AKNA: variants seen among roughly 807,000 people sequenced by gnomAD.
The protein encoded by AKNA is AT-hook transcription factor.
Under a neutral mutation model 138.8 loss-of-function variants are expected in AKNA, and 67 were observed. The ratio of observed to expected loss-of-function variants is 0.48; its 90% CI spans 0.40 to 0.59. AKNA has a LOEUF of 0.59. Among genes scored for constraint, AKNA ranks in the 20% least tolerant of loss-of-function variants. The probability of loss-of-function intolerance (pLI) is 0.00; values close to 1 mark genes in which losing one functional copy is unlikely to be tolerated. For synonymous variants in AKNA, 737 were observed against 754.4 expected, an observed-to-expected ratio of 0.98 and a Z score of 0.38; for missense variants, 1,813 against 1,880.4, an observed-to-expected ratio of 0.96 and a Z score of 0.66.
chr9:114,340,372 A>G (rs987867837), intron 21 of AKNA, among the ~76,000 whole-genome samples: 1 of 152,200 alleles, frequency 6.6e-6, no homozygotes, highest in African/African-American at 2.4e-5. Context: ...ACTTCTGGGG[A>G]CTGGGCTTTT....
At chr9:114,359,560 A>C (rs2787348) in intron 11 of AKNA, 34 bp downstream of exon 11, 1,279,649 of 1,613,746 alleles carry the variant, frequency 0.79, 510,614 homozygotes, top group East Asian at 0.96. Flanking sequence ...TAGGGTGGAA[A>C]CAAACATTCT....
rs373002708 is a variant in AKNA at position 114,376,829 on chromosome 9, C to T, written c.978G>A (p.Arg326=). 9.3e-6 allele frequency: 15 copies of T among 1,612,832 alleles called. No individual in the cohort carries two copies. Among genetic ancestry groups the T allele is most frequent in the African/African-American group, 4.0e-5 (3 of 74,924 alleles). ...CCTGTCTGGGCAGCGGCCTGCCCTG[C>T]CGCGTTGGCCTGGGCTGGGGATTCA... The part of the protein sequence containing the change: ...SPLNPQPRPT[R]QGRPLPRQGA... Residue 326 remains arginine, a synonymous_variant, in exon 3 of 22, where the codon CGG becomes CGA. Transcript: ENST00000374088.
At chr9:114,346,150 G>T in intron 17 of AKNA, 141 bp from the exon 18 acceptor site, 1 of 862,124 alleles carries the variant, frequency 1.2e-6, no homozygotes, top group Non-Finnish European at 1.8e-6. Flanking sequence ...GTAACAGCTG[G>T]CATTTCCAGA....
chr9:114,337,146 C>T lies in AKNA; in HGVS notation c.4228G>A (p.Glu1410Lys), dbSNP rs781060930. ...KALSRAVQAA[E>K]SVRSTTRQMR... is the part of the protein sequence containing the mutation. Reference sequence around the variant, plus strand: ...TGCCTGGTGGTAGAGCGGACGCTCTCGGCAGCCTGCACGGCCCGGCTCAGG... The same window carrying T: ...TGCCTGGTGGTAGAGCGGACGCTCTTGGCAGCCTGCACGGCCCGGCTCAGG... Residue 1410 changes from glutamate (E) to lysine (K), a missense_variant, in exon 22 of 22, where the codon GAG (glutamate) becomes AAG (lysine). By Grantham distance (56) the Glu-to-Lys change is moderately conservative (BLOSUM62 1). Coordinates refer to ENST00000374088, the MANE Select transcript of AKNA (RefSeq NM_001317950.2). 1.7e-5 allele frequency: 28 copies of T among 1,610,406 alleles called. 1 individual carries two copies. The South Asian group carries it at 1.9e-4, about 11-fold the overall frequency.
downstream of AKNA, chr9:114,330,750 G>A (rs202076775): frequency 1.6e-4 from 257 of 1,606,850 alleles, 9 homozygotes; most frequent in East Asian, 1.6e-3. Context: ...ACTTCTCCTC[G>A]ATAACATTAC....
intron 8 of AKNA, 131 bp downstream of exon 8, chr9:114,362,275 C>T (rs926394146): frequency 1.5e-6 from 2 of 1,353,512 alleles, no homozygotes; most frequent in Non-Finnish European, 2.0e-6. Context: ...GATATGTATA[C>T]TAATTAGGAT....
rs1048982761 is a variant in AKNA, at chr9:114,342,025, T to C, written c.3858A>G (p.Pro1286=). ...QVGSPPEADG[P]GSATSGAEKA... ...TGTCCCTACCAGAGGTGGCTGAGCCTGGACCATCTGCCTCTGGGGGAGACC... is the reference window on the plus strand; with the variant it reads ...TGTCCCTACCAGAGGTGGCTGAGCCCGGACCATCTGCCTCTGGGGGAGACC... Residue 1286 remains proline, a synonymous_variant, in exon 20 of 22, where the codon CCA becomes CCG. Coordinates refer to ENST00000374088, the MANE Select transcript of AKNA (RefSeq NM_001317950.2). 1 of 1,613,862 alleles carries C rather than the reference T, an allele frequency of 6.2e-7. No homozygotes were observed. The highest frequency in any genetic ancestry group is 1.1e-5 in the South Asian group (1 of 91,088).
chr9:114,396,295 C>A (rs978048340), upstream of AKNA, among the ~76,000 whole-genome samples: 1 of 152,158 alleles, frequency 6.6e-6, no homozygotes, highest in Non-Finnish European at 1.5e-5. Flanking sequence ...TGTCATTATT[C>A]CTTCCTTTCT....
Position 114,359,671 on chromosome 9 carries a change from T to C in AKNA, c.2415A>G (p.Pro805=). The part of the protein sequence containing the change: ...SLEVDGVAAT[P]GKAEATRVLP... ...GGACCCTGGTGGCCTCTGCTTTCCC[T>C]GGAGTTGCAGCCACCCCATCAACTT... Residue 805 remains proline (P), a synonymous_variant, in exon 11 of 22, where the codon CCA becomes CCG. Transcript: ENST00000374088. 1 of 1,613,702 alleles carries C rather than the reference T, an allele frequency of 6.2e-7. No homozygotes were observed. Among genetic ancestry groups the C allele is most frequent in the Non-Finnish European group, 8.5e-7 (1 of 1,179,780 alleles).
chr9:114,369,964 C>T (rs1378170273), intron 4 of AKNA, among the ~76,000 whole-genome samples: 2 of 152,224 alleles, frequency 1.3e-5, no homozygotes, highest in East Asian at 3.9e-4. Flanking sequence ...TCTGCACAGC[C>T]ACCATGGAGA....
chr9:114,386,686 C>G (rs1026827304), intron 1 of AKNA, among the ~76,000 whole-genome samples: 1 of 152,304 alleles, frequency 6.6e-6, no homozygotes, highest in East Asian at 1.9e-4. Context: ...GCCACTGCCC[C>G]TGCTCTCTCA....
chr9:114,360,454 C>G (rs74623585), intron 9 of AKNA, among the ~76,000 whole-genome samples: 3,944 of 152,312 alleles, frequency 0.026, 60 homozygotes, highest in Non-Finnish European at 0.042. Context: ...TGACCCCCAT[C>G]CATTCCAGCA....
chr9:114,338,272 A>T (rs1830125314), intron 21 of AKNA, among the ~76,000 whole-genome samples: 1 of 152,270 alleles, frequency 6.6e-6, no homozygotes, highest in Non-Finnish European at 1.5e-5. Flanking sequence ...GGAGCTATTC[A>T]AATGGACAAT....
chr9:114,355,733 A>G (rs1831452688), intron 14 of AKNA, among the ~76,000 whole-genome samples, 192 bp downstream of exon 14: 1 of 152,342 alleles, frequency 6.6e-6, no homozygotes, highest in African/African-American at 2.4e-5. Flanking sequence ...CAGGTTCTAC[A>G]CCAAAACGTC....
intron 5 of AKNA, chr9:114,368,186 T>C (rs1199506732): frequency 5.2e-6 from 2 of 381,370 alleles, no homozygotes. Context: ...CAATGCTCTA[T>C]GTTTTCAACT....
chr9:114,337,012 T>TTGGGGGGGGGGGC lies in AKNA; in HGVS notation c.*41_*42insGCCCCCCCCCCCA. On this transcript the variant is annotated 3_prime_UTR_variant, in exon 22 of 22. Transcript: ENST00000374088. Reference sequence around the variant, plus strand: ...CCCACTCCTGGCCTGGCAGGCCACCTGCCCACCCACCCACCCATCTGCCTC... The same window carrying TTGGGGGGGGGGGC: ...CCCACTCCTGGCCTGGCAGGCCACCTTGGGGGGGGGGGCGCCCACCCACCCACCCATCTGCCTC... The TTGGGGGGGGGGGC allele has an allele frequency of 8.3e-7, 1 of 1,208,224 alleles. No individual in the cohort carries two copies. The highest frequency in any genetic ancestry group is 1.1e-6 in the Non-Finnish European group (1 of 929,350). The allele number at this position is 1,208,224 out of a possible 1,614,324, so 74.8% of individuals were successfully genotyped here.
Position 114,377,040 on chromosome 9 carries a change from C to T in AKNA, c.767G>A (p.Arg256Gln), listed in dbSNP as rs531099868. ...GTCCTGGAATTCCATGGGGGTTGCC[C>T]GAGCAACACTGCCTCCAGTTCTGCC... ...PDGRTGGSVARATPMEFQDSS... is the reference protein window; with the variant it reads ...PDGRTGGSVAQATPMEFQDSS... Residue 256 changes from arginine to glutamine, a missense_variant, in exon 3 of 22, where the codon CGG (arginine) becomes CAG (glutamine). Arg to Gln is a conservative substitution (Grantham distance 43). Transcript: ENST00000374088. 23 of 1,614,100 alleles carry T rather than the reference C, an allele frequency of 1.4e-5. No individual in the cohort carries two copies. Among genetic ancestry groups the T allele is most frequent in the East Asian group, 1.1e-4 (5 of 44,852 alleles).
intron 19 of AKNA, 77 bp downstream of exon 19, chr9:114,343,631 T>G: frequency 6.8e-7 from 1 of 1,463,262 alleles, no homozygotes; most frequent in Non-Finnish European, 9.6e-7. Context: ...CCAGATCTTG[T>G]CAAGTACACA....
intron 14 of AKNA, among the ~76,000 whole-genome samples, 175 bp from the exon 15 acceptor site, chr9:114,351,196 AT>A (rs1831096084): frequency 6.6e-6 from 1 of 152,038 alleles, no homozygotes; most frequent in Non-Finnish European, 1.5e-5. Context: ...GAAGATCTAG[AT>A]TTTGCTGGGA....
Sources: allele counts gnomAD v4.1 joint callset (sites outside exome capture counted in the v4.1 genomes callset), GRCh38; gene constraint gnomAD v4.1.1; transcripts MANE v1.5; gene names NCBI Gene and HGNC (gene_info 2026-07-23, HGNC 2026-07-21).